The following ADAMTSL3 variants were observed in gnomAD, a reference collection of about 807,000 sequenced individuals.
The protein encoded by ADAMTSL3 is ADAMTS-like protein 3.
ADAMTSL3 carries 128 observed loss-of-function variants against 201.7 expected under a neutral mutation model. That is an observed-to-expected ratio of 0.63 (90% confidence interval 0.55 to 0.73). ADAMTSL3 has a LOEUF of 0.73. Ranked by LOEUF, ADAMTSL3 falls within the 30% of genes least tolerant of loss-of-function variation. ADAMTSL3 has a pLI of 0.00. For synonymous variants in ADAMTSL3, 738 were observed against 748.4 expected (o/e 0.99, Z 0.23); for missense variants, 1,990 against 2,119.6 (o/e 0.94, Z 1.20).
intron 23 of ADAMTSL3, among the ~76,000 whole-genome samples, chr15:83,997,505 C>G (rs1280768877): frequency 6.6e-6 from 1 of 152,130 alleles, no homozygotes; most frequent in Non-Finnish European, 1.5e-5. Flanking sequence ...AGGAGAATCG[C>G]TTGAACCTGG....
intron 5 of ADAMTSL3, among the ~76,000 whole-genome samples, chr15:83,815,344 T>C (rs1233192677): frequency 6.6e-6 from 1 of 152,236 alleles, no homozygotes; most frequent in Non-Finnish European, 1.5e-5. Context: ...GTGTGTTTCA[T>C]GCGTATAGAA....
At chr15:83,681,215 A>G (rs183371450) in intron 2 of ADAMTSL3, among the ~76,000 whole-genome samples, 2 of 152,350 alleles carry the variant, frequency 1.3e-5, no homozygotes, top group South Asian at 2.1e-4. Flanking sequence ...GTTCATTTAC[A>G]TATCTATCAC....
chr15:83,910,104 T>A (rs72748617), intron 15 of ADAMTSL3, among the ~76,000 whole-genome samples: 18,576 of 152,272 alleles, frequency 0.12, 1,315 homozygotes, highest in East Asian at 0.35. Context: ...TTTTCCTAGT[T>A]ATGAATTGTT....
chr15:83,704,635 CACCCTTGAA>C, intron 3 of ADAMTSL3, 127 bp downstream of exon 3: 1 of 1,282,572 alleles, frequency 7.8e-7, no homozygotes, highest in Non-Finnish European at 1.1e-6. Flanking sequence ...AGACCCTTGA[CACCCTTGAA>C]GGATCCCAGA....
At chr15:83,771,935 C>G (rs1438696080) in intron 3 of ADAMTSL3, among the ~76,000 whole-genome samples, 1 of 152,130 alleles carries the variant, frequency 6.6e-6, no homozygotes, top group Non-Finnish European at 1.5e-5. Flanking sequence ...CAGCTGTCAC[C>G]TCTGCCTCCC....
intron 2 of ADAMTSL3, among the ~76,000 whole-genome samples, chr15:83,678,308 A>C (rs537196798): frequency 1.4e-3 from 212 of 151,882 alleles, no homozygotes; most frequent in African/African-American, 4.7e-3. Context: ...CACTTCTTTT[A>C]TCTCTTCTTT....
At chr15:83,870,051 G>GT (rs1383452358) in intron 8 of ADAMTSL3, among the ~76,000 whole-genome samples, 2 of 152,086 alleles carry the variant, frequency 1.3e-5, no homozygotes, top group South Asian at 4.1e-4. Flanking sequence ...AAGTACAAAT[G>GT]TTTTTTTGTT....
chr15:83,899,737 T>C lies in ADAMTSL3; in HGVS notation c.1700+6T>C. ...ATAGCAACAGAAGAACCAACGTGAG[T>C]CCAGGACCTTTTGTAGGAATAATCA... On this transcript the variant is annotated splice_donor_region_variant and intron_variant, in intron 15 of 29. Coordinates refer to ENST00000286744, the MANE Select transcript of ADAMTSL3 (RefSeq NM_207517.3). 1 of 1,609,022 alleles carries C rather than the reference T, an allele frequency of 6.2e-7. No homozygotes were observed. Among genetic ancestry groups the C allele is most frequent in the East Asian group, 2.2e-5 (1 of 44,452 alleles).
At chr15:83,949,584 A>C (rs1328243788) in intron 19 of ADAMTSL3, among the ~76,000 whole-genome samples, 1 of 152,114 alleles carries the variant, frequency 6.6e-6, no homozygotes, top group East Asian at 1.9e-4. Flanking sequence ...AGGAACCTCC[A>C]AACTGTTCTC....
At chr15:83,717,204 A>G (rs2062031644) in intron 3 of ADAMTSL3, among the ~76,000 whole-genome samples, 1 of 152,200 alleles carries the variant, frequency 6.6e-6, no homozygotes, top group South Asian at 2.1e-4. Flanking sequence ...TGTTGATTGA[A>G]TCTCTGTAAT....
intron 4 of ADAMTSL3, among the ~76,000 whole-genome samples, chr15:83,788,656 A>G (rs2063299479): frequency 6.6e-6 from 1 of 152,042 alleles, no homozygotes; most frequent in Admixed American, 6.6e-5. Context: ...CAGTGTTCTG[A>G]AATTTCCTAA....
intron 19 of ADAMTSL3, among the ~76,000 whole-genome samples, chr15:83,956,679 GCACACACACACACA>G (rs34711242): frequency 2.1e-4 from 31 of 148,856 alleles, no homozygotes; most frequent in Admixed American, 8.7e-4. Context: ...CACCGCACAG[GCACACACACACACA>G]CACACACATA....
At chr15:83,874,503 T>C (rs2065141980) in intron 9 of ADAMTSL3, among the ~76,000 whole-genome samples, 1 of 143,372 alleles carries the variant, frequency 7.0e-6, no homozygotes, top group African/African-American at 2.7e-5. Flanking sequence ...AAATGACCCT[T>C]TAGCGGAGAG....
rs566060495 is a variant in ADAMTSL3 at position 83,984,519 on chromosome 15, A to G, written c.3716+1175A>G. On this transcript the variant is annotated intron_variant, in intron 21 of 29. Coordinates refer to ENST00000286744, the MANE Select transcript of ADAMTSL3 (RefSeq NM_207517.3). ...TAAACCTTAAAACATAGCAGTTCTC[A>G]GAGCTTTTGGTTTTAGACTCTTTAA... 2.0e-5 allele frequency among the ~76,000 whole-genome samples: 3 copies of G among 152,354 alleles called. No individual in the cohort carries two copies. The South Asian group carries it at 6.2e-4, about 32-fold the overall frequency.
chr15:83,801,915 C>T (rs2063531234), intron 4 of ADAMTSL3, among the ~76,000 whole-genome samples: 1 of 151,358 alleles, frequency 6.6e-6, no homozygotes, highest in South Asian at 2.1e-4. Context: ...CTGGATACAT[C>T]CTGATTATAA....
At chr15:83,976,891 T>A (rs1438949853) in intron 20 of ADAMTSL3, among the ~76,000 whole-genome samples, 1 of 152,038 alleles carries the variant, frequency 6.6e-6, no homozygotes, top group Non-Finnish European at 1.5e-5. Context: ...TTGAGTAAAT[T>A]GGCAGAAGTT....
intron 27 of ADAMTSL3, among the ~76,000 whole-genome samples, chr15:84,028,972 A>G (rs1461690354): frequency 2.0e-5 from 3 of 152,118 alleles, no homozygotes; most frequent in Non-Finnish European, 2.9e-5. Flanking sequence ...TTTGCCTTCC[A>G]TCATGATTTT....
intron 9 of ADAMTSL3, among the ~76,000 whole-genome samples, chr15:83,883,719 A>AC (rs1406302753): frequency 6.6e-6 from 1 of 151,142 alleles, no homozygotes; most frequent in Non-Finnish European, 1.5e-5. Flanking sequence ...ATGCCACCAC[A>AC]CCTGGCTAAT....
chr15:83,982,612 T>A lies in ADAMTSL3; in HGVS notation c.2984T>A (p.Leu995His). 1.9e-6 allele frequency: 3 copies of A among 1,614,166 alleles called. No homozygotes were observed. The highest frequency in any genetic ancestry group is 2.5e-6 in the Non-Finnish European group (3 of 1,180,034). The change falls in exon 21 of 30, where the codon CTC (leucine) becomes CAC (histidine). Residue 995 changes from leucine (L) to histidine (H), a missense_variant. Transcript: ENST00000286744. Reference sequence around the variant, plus strand: ...GCACAGGAAACAGTTGTGCTCAAGCTCATTGGTACTGACAACCGGCTCATC... The same window carrying A: ...GCACAGGAAACAGTTGTGCTCAAGCACATTGGTACTGACAACCGGCTCATC... ...GSAQETVVLK[L>H]IGTDNRLIAR... is the part of the protein sequence containing the mutation.
Sources: gnomAD v4.1 joint callset for allele counts (sites outside exome capture counted in the v4.1 genomes callset) on GRCh38, gnomAD v4.1.1 for gene constraint, MANE v1.5 for transcripts, NCBI Gene and HGNC (gene_info 2026-07-23, HGNC 2026-07-21) for gene names.